NRXN3: variants seen among roughly 807,000 people sequenced by gnomAD.
NRXN3 encodes neurexin 3, also known as neurexin III.
In NRXN3, 32 loss-of-function variants were observed where a neutral mutation model predicts 137.6. That is an observed-to-expected ratio of 0.23 (90% CI 0.18 to 0.31). NRXN3 has a LOEUF of 0.31. Ranked by LOEUF, NRXN3 falls within the 10% of genes least tolerant of loss-of-function variation. NRXN3 has a pLI of 1.00. For synonymous variants in NRXN3, 798 were observed against 784.5 expected, an observed-to-expected ratio of 1.02 and a Z score of -0.29; for missense variants, 1,574 against 2,062.5, an observed-to-expected ratio of 0.76 and a Z score of 4.59.
chr14:78,812,853 A>T lies in NRXN3; in HGVS notation c.2275+2509A>T, dbSNP rs1463660760. ...AATAAACCTTTAATGTACTAAGAACATTTATTTTGTTGGAAATTTAATATC... is the reference window on the plus strand; with the variant it reads ...AATAAACCTTTAATGTACTAAGAACTTTTATTTTGTTGGAAATTTAATATC... On this transcript the variant is annotated intron_variant, in intron 10 of 20. Coordinates refer to ENST00000335750, the MANE Select transcript of NRXN3 (RefSeq NM_001330195.2). Among the ~76,000 whole-genome samples the T allele has an allele frequency of 1.3e-5, 2 of 152,214 alleles. 1 individual carries two copies. The highest frequency in any genetic ancestry group is 3.8e-4 in the East Asian group (2 of 5,200).
At chr14:78,288,430 C>T (rs1270550525) in intron 3 of NRXN3, among the ~76,000 whole-genome samples, 1 of 152,092 alleles carries the variant, frequency 6.6e-6, no homozygotes, top group Non-Finnish European at 1.5e-5. Context: ...ATTTTTGTGC[C>T]CATTTCTCTC....
At chr14:79,024,091 G>T (rs887585764) in intron 15 of NRXN3, among the ~76,000 whole-genome samples, 1 of 152,090 alleles carries the variant, frequency 6.6e-6, no homozygotes, top group Non-Finnish European at 1.5e-5. Flanking sequence ...TGAATCACTA[G>T]AACGGTGTCT....
At chr14:78,874,127 A>G (rs1391032876) in intron 10 of NRXN3, among the ~76,000 whole-genome samples, 1 of 152,062 alleles carries the variant, frequency 6.6e-6, no homozygotes. Context: ...ATGCACCACC[A>G]TGTCCGGCTA....
intron 15 of NRXN3, chr14:79,279,840 G>A: frequency 1.0e-6 from 1 of 999,682 alleles, no homozygotes; most frequent in Non-Finnish European, 1.2e-6. Flanking sequence ...TTGGATGTTG[G>A]GATAAACTCA....
rs17107791 is a variant in NRXN3 at position 78,516,279 on chromosome 14, G to A, written c.758-128841G>A. Among the ~76,000 whole-genome samples, 849 of 151,138 alleles carry A rather than the reference G, an allele frequency of 5.6e-3. 47 individuals carry two copies. In the East Asian group the frequency reaches 0.096, roughly 17 times the overall value. On this transcript the variant is annotated intron_variant, in intron 4 of 20. Transcript: ENST00000335750. ...ATTTGACTAAATTCACAGCCAAATG[G>A]CATTTACCCCAGGTCTACCCCATAC... is the stretch of plus-strand genomic sequence containing the variant.
chr14:79,218,194 G>A (rs1597394109), intron 15 of NRXN3, among the ~76,000 whole-genome samples: 1 of 152,136 alleles, frequency 6.6e-6, no homozygotes, highest in Non-Finnish European at 1.5e-5. Context: ...ACCCGAAAGC[G>A]TTTGAAACAT....
chr14:79,805,023 A>C (rs2099198471), intron 19 of NRXN3, 89 bp from the exon 20 acceptor site: 2 of 893,516 alleles, frequency 2.2e-6, no homozygotes, highest in African/African-American at 1.7e-5. Flanking sequence ...CACAGTGATA[A>C]ATCTTTGATG....
At chr14:79,339,760 C>T (rs1202208955) in intron 15 of NRXN3, among the ~76,000 whole-genome samples, 4 of 152,144 alleles carry the variant, frequency 2.6e-5, no homozygotes, top group Non-Finnish European at 4.4e-5. Flanking sequence ...CACCTACTGC[C>T]ATTTTCTAGC....
At chr14:78,862,005 G>A (rs963713798) in intron 10 of NRXN3, among the ~76,000 whole-genome samples, 1 of 152,054 alleles carries the variant, frequency 6.6e-6, no homozygotes, top group South Asian at 2.1e-4. Flanking sequence ...ATAAGTCCCT[G>A]TTTCCATGTG....
intron 4 of NRXN3, among the ~76,000 whole-genome samples, chr14:78,372,106 CTT>C (rs796202048): frequency 3.0e-4 from 46 of 151,256 alleles, no homozygotes; most frequent in African/African-American, 1.1e-3. Flanking sequence ...TATTTATTTT[CTT>C]TCTTTTTTTT....
chr14:78,821,913 A>T (rs1170556684), intron 10 of NRXN3, among the ~76,000 whole-genome samples: 1 of 152,192 alleles, frequency 6.6e-6, no homozygotes, highest in Non-Finnish European at 1.5e-5. Flanking sequence ...CGGTCATCAT[A>T]AATAGAAAAG....
chr14:79,259,339 T>C (rs1376406002), intron 15 of NRXN3, among the ~76,000 whole-genome samples: 1 of 152,144 alleles, frequency 6.6e-6, no homozygotes, highest in African/African-American at 2.4e-5. Flanking sequence ...TCCAGCTTTT[T>C]TTTCCTACCT....
At chr14:79,550,716 A>G (rs1005893549) in intron 16 of NRXN3, among the ~76,000 whole-genome samples, 1 of 152,086 alleles carries the variant, frequency 6.6e-6, no homozygotes, top group Non-Finnish European at 1.5e-5. Flanking sequence ...TATGAGATTG[A>G]ATCACCTGGA....
At chr14:79,824,027 G>T in intron 20 of NRXN3, 2 of 376,682 alleles carry the variant, frequency 5.3e-6, no homozygotes, top group Non-Finnish European at 1.2e-5. Context: ...GATGGAACAC[G>T]AAGTGGCTTT....
chr14:79,609,152 C>T (rs1045440764), intron 16 of NRXN3, among the ~76,000 whole-genome samples: 13 of 152,082 alleles, frequency 8.5e-5, no homozygotes, highest in South Asian at 2.1e-4. Context: ...GGTGAGTTCG[C>T]GTGAGAAAGT....
chr14:79,632,987 T>C (rs2098371354), intron 16 of NRXN3, among the ~76,000 whole-genome samples: 1 of 152,150 alleles, frequency 6.6e-6, no homozygotes, highest in African/African-American at 2.4e-5. Context: ...ATGCAGCAGA[T>C]GTTATTACCA....
intron 16 of NRXN3, among the ~76,000 whole-genome samples, chr14:79,523,544 C>T (rs1320985321): frequency 6.6e-6 from 1 of 152,158 alleles, no homozygotes; most frequent in Non-Finnish European, 1.5e-5. Flanking sequence ...AAAAAAATGG[C>T]ACTCACTGCT....
intron 12 of NRXN3, among the ~76,000 whole-genome samples, chr14:78,966,847 A>G (rs31415): frequency 0.27 from 40,700 of 152,108 alleles, 9,918 homozygotes; most frequent in African/African-American, 0.64. Context: ...TTTTACTACC[A>G]TGTATTAGAA....
At chr14:79,838,136 T>A (rs971311432) in intron 20 of NRXN3, among the ~76,000 whole-genome samples, 26 of 152,140 alleles carry the variant, frequency 1.7e-4, no homozygotes, top group African/African-American at 5.8e-4. Flanking sequence ...CTAACCTACA[T>A]GATTTTACAA....
Sources: allele counts gnomAD v4.1 joint callset (sites outside exome capture counted in the v4.1 genomes callset), GRCh38; gene constraint gnomAD v4.1.1; transcripts MANE v1.5; gene names NCBI Gene and HGNC (gene_info 2026-07-23, HGNC 2026-07-21).